Variants in DOCK1 observed in about 807,000 individuals in gnomAD.
DOCK1 encodes dedicator of cytokinesis protein 1.
In DOCK1, 138 loss-of-function variants were observed where a neutral mutation model predicts 262.7. The ratio of observed to expected loss-of-function variants is 0.53; its 90% CI spans 0.46 to 0.61. The LOEUF (loss-of-function observed/expected upper bound fraction) is 0.61. Among genes scored for constraint, DOCK1 ranks in the 20% least tolerant of loss-of-function variants. The probability of loss-of-function intolerance (pLI) is 0.00; values close to 1 mark genes in which losing one functional copy is unlikely to be tolerated. For synonymous variants in DOCK1, 866 were observed against 867.4 expected, an observed-to-expected ratio of 1.00 and a Z score of 0.03; for missense variants, 1,908 against 2,370.7, an observed-to-expected ratio of 0.80 and a Z score of 4.05.
chr10:127,248,223 C>G (rs1180526525), intron 28 of DOCK1, 114 bp downstream of exon 28: 2 of 954,314 alleles, frequency 2.1e-6, no homozygotes, highest in Non-Finnish European at 3.2e-6. Context: ...GAACTTGTCT[C>G]TGATTGATTT....
intron 29 of DOCK1, among the ~76,000 whole-genome samples, chr10:127,323,091 G>A (rs1303033858): frequency 6.6e-6 from 1 of 152,106 alleles, no homozygotes; most frequent in Non-Finnish European, 1.5e-5. Flanking sequence ...CTCCATCATG[G>A]GAAGAATGGG....
chr10:127,151,683 T>G (rs1448575360), intron 27 of DOCK1, among the ~76,000 whole-genome samples: 2 of 152,160 alleles, frequency 1.3e-5, no homozygotes, highest in African/African-American at 4.8e-5. Flanking sequence ...TAGTCATGCA[T>G]TTTCCCTGCT....
chr10:127,186,520 CCCCCG>C (rs1564883812), intron 27 of DOCK1, among the ~76,000 whole-genome samples: 4 of 81,866 alleles, frequency 4.9e-5, no homozygotes, highest in African/African-American at 8.1e-5. Context: ...CCCCCGCCCC[CCCCCG>C]ATCCAGTTAC....
chr10:127,314,828 G>T (rs2062204967), intron 29 of DOCK1, among the ~76,000 whole-genome samples: 1 of 152,194 alleles, frequency 6.6e-6, no homozygotes, highest in Admixed American at 6.5e-5. Context: ...GGGGAGGCAG[G>T]GGGCTGAGAC....
intron 1 of DOCK1, among the ~76,000 whole-genome samples, chr10:126,953,511 T>A (rs1003494826): frequency 2.0e-5 from 3 of 151,314 alleles, no homozygotes; most frequent in Admixed American, 2.0e-4. Context: ...TTTGGTAATG[T>A]TGGTGGTGGT....
Position 127,354,667 on chromosome 10 carries a change from A to T in DOCK1, c.3225-2A>T. ...AGCGTTTTTCTTTTCCCTGATTTCC[A>T]GGTACGGAGATATGAGGAGACAGAT... On this transcript the variant is annotated splice_acceptor_variant, in intron 31 of 51. Transcript: ENST00000623213. LOFTEE classifies it high-confidence loss of function. 1.2e-6 allele frequency: 2 copies of T among 1,613,718 alleles called. No homozygotes were observed. Among genetic ancestry groups the T allele is most frequent in the Non-Finnish European group, 1.7e-6 (2 of 1,179,734 alleles).
chr10:127,028,357 G>A (rs2043019951), intron 16 of DOCK1, among the ~76,000 whole-genome samples: 1 of 152,164 alleles, frequency 6.6e-6, no homozygotes, highest in Admixed American at 6.5e-5. Context: ...AGCAGATGTT[G>A]GCCATCGTTC....
At chr10:127,335,839 C>T (rs1015962283) in intron 29 of DOCK1, among the ~76,000 whole-genome samples, 4 of 151,968 alleles carry the variant, frequency 2.6e-5, no homozygotes, top group Admixed American at 2.0e-4. Flanking sequence ...CTCAGCCTCC[C>T]GAGTAGCTGG....
At chr10:127,375,128 T>C (rs2065419233) in intron 35 of DOCK1, among the ~76,000 whole-genome samples, 1 of 152,230 alleles carries the variant, frequency 6.6e-6, no homozygotes. Flanking sequence ...TTGTGGTCCC[T>C]AATCCAGGAA....
chr10:127,323,017 G>A (rs920449742), intron 29 of DOCK1, among the ~76,000 whole-genome samples: 2 of 152,146 alleles, frequency 1.3e-5, no homozygotes, highest in African/African-American at 4.8e-5. Flanking sequence ...TTCCCCTTGT[G>A]CTCCCCAGTC....
At chr10:126,915,486 T>C (rs2134049513) in intron 1 of DOCK1, among the ~76,000 whole-genome samples, 1 of 152,230 alleles carries the variant, frequency 6.6e-6, no homozygotes, top group African/African-American at 2.4e-5. Context: ...GGGCACAATC[T>C]TGGCCCACTG....
chr10:127,197,848 C>T (rs1385879722), intron 27 of DOCK1, among the ~76,000 whole-genome samples: 3 of 148,128 alleles, frequency 2.0e-5, no homozygotes, highest in African/African-American at 4.9e-5. Context: ...TACGAAATAC[C>T]TTCTTTGTAT....
chr10:127,060,396 A>G (rs1405388811), intron 22 of DOCK1, among the ~76,000 whole-genome samples: 6 of 152,180 alleles, frequency 3.9e-5, no homozygotes, highest in African/African-American at 9.7e-5. Context: ...CAGATCCACT[A>G]GGTTGCAATT....
chr10:127,277,622 G>T (rs575416907), intron 29 of DOCK1, among the ~76,000 whole-genome samples: 2 of 152,112 alleles, frequency 1.3e-5, no homozygotes, highest in Non-Finnish European at 2.9e-5. Context: ...TATTAGCTGG[G>T]TGTGGTGGCG....
At chr10:126,960,865 C>T (rs1160135792) in intron 1 of DOCK1, among the ~76,000 whole-genome samples, 1 of 146,654 alleles carries the variant, frequency 6.8e-6, no homozygotes, top group African/African-American at 2.6e-5. Flanking sequence ...TAGATATGAA[C>T]CCAATAGAAA....
chr10:127,392,939 C>G (rs566029767), intron 38 of DOCK1, among the ~76,000 whole-genome samples: 33 of 152,338 alleles, frequency 2.2e-4, no homozygotes, highest in Non-Finnish European at 3.5e-4. Flanking sequence ...TGTCTAGAAT[C>G]TTGTATGTTA....
intron 16 of DOCK1, chr10:127,026,642 T>A (rs1390563260): frequency 3.7e-5 from 21 of 566,874 alleles, no homozygotes; most frequent in Non-Finnish European, 3.1e-6. Context: ...CTACCCAGTG[T>A]TGCTGGTCCC....
intron 1 of DOCK1, among the ~76,000 whole-genome samples, chr10:126,948,325 G>A (rs1230636037): frequency 7.4e-5 from 1 of 13,498 alleles, no homozygotes; most frequent in African/African-American, 4.1e-4. Context: ...TGATGGTGGT[G>A]GTTGGTAGTA....
At chr10:127,165,011 A>G (rs1184906033) in intron 27 of DOCK1, among the ~76,000 whole-genome samples, 4 of 152,244 alleles carry the variant, frequency 2.6e-5, no homozygotes, top group African/African-American at 7.2e-5. Flanking sequence ...TTGAAAATTA[A>G]TGAAAATGAA....
Sources: gnomAD v4.1 joint callset for allele counts (sites outside exome capture counted in the v4.1 genomes callset) on GRCh38, gnomAD v4.1.1 for gene constraint, MANE v1.5 for transcripts, NCBI Gene and HGNC (gene_info 2026-07-23, HGNC 2026-07-21) for gene names.